Variants in FCHSD2 observed in about 807,000 individuals in gnomAD.
FCHSD2 encodes the protein FCH and double SH3 domains 2, also known as F-BAR and double SH3 domains protein 2.
FCHSD2 carries 38 observed loss-of-function variants against 108.1 expected under a neutral mutation model. The observed-to-expected ratio is 0.35, with a 90% confidence interval of 0.27 to 0.46. FCHSD2 has a LOEUF of 0.46. FCHSD2 is among the 20% of genes least tolerant of loss of function. The pLI, the probability that FCHSD2 is intolerant of heterozygous loss-of-function variation, is 1.00. For missense variants in FCHSD2, 751 were observed against 897.8 expected, an observed-to-expected ratio of 0.84 and a Z score of 2.09; for synonymous variants, 279 against 314.7, an observed-to-expected ratio of 0.89 and a Z score of 1.20.
chr11:72,844,581 A>T (rs1591333559), intron 14 of FCHSD2, among the ~76,000 whole-genome samples: 1 of 152,162 alleles, frequency 6.6e-6, no homozygotes. Context: ...GAGGGGCTGG[A>T]AAGTCCGTGT....
chr11:73,109,181 A>C (rs1032202334), intron 2 of FCHSD2, among the ~76,000 whole-genome samples: 5 of 152,168 alleles, frequency 3.3e-5, no homozygotes, highest in African/African-American at 1.2e-4. Context: ...ATTTTTGCTC[A>C]GGATAGCTTT....
At chr11:72,916,723 TCTC>T (rs2135303373) in intron 9 of FCHSD2, among the ~76,000 whole-genome samples, 1 of 152,360 alleles carries the variant, frequency 6.6e-6, no homozygotes, top group African/African-American at 2.4e-5. Context: ...AAATATTTTC[TCTC>T]ATCATTTGGG....
At chr11:73,110,317 C>A (rs370995018) in intron 2 of FCHSD2, among the ~76,000 whole-genome samples, 8 of 152,148 alleles carry the variant, frequency 5.3e-5, no homozygotes, top group African/African-American at 1.9e-4. Context: ...GCCATTAGGT[C>A]TTGGACTTGG....
intron 3 of FCHSD2, among the ~76,000 whole-genome samples, chr11:73,082,537 C>G (rs954413352): frequency 6.6e-6 from 1 of 151,606 alleles, no homozygotes; most frequent in Admixed American, 6.6e-5. Context: ...AAAATAAAGG[C>G]AAACAGCTAC....
At chr11:72,843,561 T>A in intron 14 of FCHSD2, 29 bp from the exon 15 acceptor site, 1 of 1,539,984 alleles carries the variant, frequency 6.5e-7, no homozygotes, top group Non-Finnish European at 9.0e-7. Flanking sequence ...ATGGACAAAA[T>A]TAAAAAGGTT....
At chr11:72,882,352 C>T (rs952390301) in intron 12 of FCHSD2, among the ~76,000 whole-genome samples, 14 of 150,588 alleles carry the variant, frequency 9.3e-5, no homozygotes, top group African/African-American at 2.7e-4. Context: ...AGCAAGACTT[C>T]GTCTCAAAAA....
intron 2 of FCHSD2, among the ~76,000 whole-genome samples, chr11:73,137,509 A>T (rs1861147123): frequency 6.6e-6 from 1 of 152,206 alleles, no homozygotes; most frequent in African/African-American, 2.4e-5. Context: ...CCAAGAAAAA[A>T]TAAGATACAT....
intron 3 of FCHSD2, among the ~76,000 whole-genome samples, chr11:73,042,652 T>C (rs1433005783): frequency 3.3e-5 from 5 of 152,234 alleles, no homozygotes; most frequent in Non-Finnish European, 7.3e-5. Flanking sequence ...TTGGGTAGAA[T>C]GGTCATGTTA....
intron 9 of FCHSD2, among the ~76,000 whole-genome samples, chr11:72,908,860 C>T (rs1855688877): frequency 6.6e-6 from 1 of 152,000 alleles, no homozygotes; most frequent in Non-Finnish European, 1.5e-5. Context: ...CACCATGTTG[C>T]CCAGGCTGGT....
In FCHSD2 at chr11:73,029,246, C is replaced by T. The variant is rs556731400; in HGVS notation, c.166-13361G>A. ...AAACAAAAGATACGGAAACCACTTACAAGACTATTGTAGGAGCAAATTCTG... is the reference window on the plus strand; with the variant it reads ...AAACAAAAGATACGGAAACCACTTATAAGACTATTGTAGGAGCAAATTCTG... On this transcript the variant is annotated intron_variant, in intron 3 of 19. Coordinates refer to ENST00000409418, the MANE Select transcript of FCHSD2 (RefSeq NM_014824.3). 2.0e-5 allele frequency among the ~76,000 whole-genome samples: 3 copies of T among 152,266 alleles called. No individual in the cohort carries two copies. In the East Asian group the frequency reaches 5.8e-4, roughly 29 times the overall value.
intron 9 of FCHSD2, among the ~76,000 whole-genome samples, chr11:72,914,582 G>A (rs1207876155): frequency 6.6e-5 from 10 of 152,020 alleles, no homozygotes; most frequent in African/African-American, 2.2e-4. Flanking sequence ...AAATAAGACC[G>A]CACACCTAAA....
At chr11:72,915,199 C>T (rs1337837960) in intron 9 of FCHSD2, among the ~76,000 whole-genome samples, 1 of 151,722 alleles carries the variant, frequency 6.6e-6, no homozygotes, top group African/African-American at 2.4e-5. Flanking sequence ...CATGAGATAC[C>T]ATCTCACACC....
At chr11:72,913,985 T>A (rs1459554646) in intron 9 of FCHSD2, among the ~76,000 whole-genome samples, 1 of 152,096 alleles carries the variant, frequency 6.6e-6, no homozygotes, top group African/African-American at 2.4e-5. Context: ...ATCAATATCA[T>A]AAAAATGGCC....
chr11:73,033,405 G>C (rs1331447418), intron 3 of FCHSD2, among the ~76,000 whole-genome samples: 1 of 152,062 alleles, frequency 6.6e-6, no homozygotes, highest in Non-Finnish European at 1.5e-5. Flanking sequence ...AATGGGACAA[G>C]TTTTAGTGCA....
chr11:73,019,442 G>A (rs1397252354), intron 3 of FCHSD2, among the ~76,000 whole-genome samples: 1 of 151,984 alleles, frequency 6.6e-6, no homozygotes, highest in Non-Finnish European at 1.5e-5. Context: ...TTTTAGAGTG[G>A]ACTTTATCTA....
intron 14 of FCHSD2, among the ~76,000 whole-genome samples, chr11:72,847,300 G>A (rs1330115662): frequency 3.9e-5 from 6 of 152,188 alleles, no homozygotes; most frequent in Non-Finnish European, 5.9e-5. Context: ...ATCCAGTCAT[G>A]AGCTCTATTA....
chr11:73,064,819 TC>T (rs1446075888), intron 3 of FCHSD2, among the ~76,000 whole-genome samples: 2 of 152,152 alleles, frequency 1.3e-5, no homozygotes, highest in Non-Finnish European at 2.9e-5. Flanking sequence ...AGAAGTCGAA[TC>T]CTTGAATAAA....
chr11:73,035,321 G>A (rs1275170418), intron 3 of FCHSD2, among the ~76,000 whole-genome samples: 1 of 151,994 alleles, frequency 6.6e-6, no homozygotes, highest in Non-Finnish European at 1.5e-5. Context: ...CTACAGGCAC[G>A]CACCACTACT....
intron 3 of FCHSD2, among the ~76,000 whole-genome samples, chr11:73,082,917 C>T (rs1859730487): frequency 6.6e-6 from 1 of 152,024 alleles, no homozygotes; most frequent in African/African-American, 2.4e-5. Flanking sequence ...TTTTTCTTGT[C>T]ACATTTTGTA....
Sources: gnomAD v4.1 joint callset for allele counts (sites outside exome capture counted in the v4.1 genomes callset) on GRCh38, gnomAD v4.1.1 for gene constraint, MANE v1.5 for transcripts, NCBI Gene and HGNC (gene_info 2026-07-23, HGNC 2026-07-21) for gene names.